Variants in OLFM2 observed in about 807,000 individuals in gnomAD.
The protein encoded by OLFM2 is olfactomedin 2.
Under a neutral mutation model 43.9 loss-of-function variants are expected in OLFM2, and 20 were observed. The ratio of observed to expected loss-of-function variants is 0.46; its 90% CI spans 0.32 to 0.66. OLFM2 has a LOEUF of 0.66. Ranked by LOEUF, OLFM2 falls within the 30% of genes least tolerant of loss-of-function variation. The pLI, the probability that OLFM2 is intolerant of heterozygous loss-of-function variation, is 0.04. For synonymous variants in OLFM2, 268 were observed against 278.6 expected (o/e 0.96, Z 0.38); for missense variants, 416 against 643.6 (o/e 0.65, Z 3.83).
chr19:9,907,041 G>A (rs1019748890), intron 1 of OLFM2, among the ~76,000 whole-genome samples: 1 of 152,132 alleles, frequency 6.6e-6, no homozygotes, highest in African/African-American at 2.4e-5. Context: ...GGGGGCAGAG[G>A]GGGCAAGGGG....
chr19:9,910,050 T>C (rs2046816024), intron 1 of OLFM2, among the ~76,000 whole-genome samples: 1 of 152,050 alleles, frequency 6.6e-6, no homozygotes, highest in African/African-American at 2.4e-5. Context: ...TCATAAAGAC[T>C]CTAAATTCCC....
At chr19:9,930,699 A>C (rs1467641376) in intron 1 of OLFM2, among the ~76,000 whole-genome samples, 2 of 151,626 alleles carry the variant, frequency 1.3e-5, no homozygotes, top group Admixed American at 6.6e-5. Flanking sequence ...ACAAAAAAAA[A>C]AAAATTTAGC....
intron 1 of OLFM2, among the ~76,000 whole-genome samples, chr19:9,914,481 C>T (rs981135942): frequency 6.6e-6 from 1 of 152,108 alleles, no homozygotes; most frequent in African/African-American, 2.4e-5. Flanking sequence ...CAGGTGCGGT[C>T]CTGGGGTCAC....
chr19:9,898,295 G>C, intron 1 of OLFM2, among the ~76,000 whole-genome samples: 1 of 150,730 alleles, frequency 6.6e-6, no homozygotes, highest in African/African-American at 2.4e-5. Flanking sequence ...GCCAAGGCAG[G>C]CAGATCACCT....
In OLFM2 at chr19:9,936,420, C is replaced by T. The variant is rs2086515439; in HGVS notation, c.-54G>A. 2.6e-6 allele frequency: 3 copies of T among 1,165,492 alleles called. No homozygotes were observed. The highest frequency in any genetic ancestry group is 3.2e-6 in the Non-Finnish European group (3 of 946,698). The allele number at this position is 1,165,492 out of a possible 1,614,324, so 72.2% of individuals were successfully genotyped here. On this transcript the variant is annotated 5_prime_UTR_variant, in exon 1 of 6. Coordinates refer to ENST00000264833, the MANE Select transcript of OLFM2 (RefSeq NM_058164.4). ...CCCGCCCGCCCTAGCGGCGCCTCGG[C>T]GCGGGGACCGCCACCAGGCGCGACC...
chr19:9,912,308 C>T (rs1272184994), intron 1 of OLFM2, among the ~76,000 whole-genome samples: 2 of 152,144 alleles, frequency 1.3e-5, no homozygotes, highest in Non-Finnish European at 2.9e-5. Flanking sequence ...TCAGGTGTCC[C>T]CACCACCACC....
At chr19:9,930,144 T>C (rs900742129) in intron 1 of OLFM2, among the ~76,000 whole-genome samples, 36 of 152,186 alleles carry the variant, frequency 2.4e-4, no homozygotes, top group Admixed American at 2.2e-3. Context: ...CCTGTGCTCA[T>C]GGTCCCTGAA....
chr19:9,908,464 A>ATTTTTTTTTTTTTTTTT (rs34305631), intron 1 of OLFM2, among the ~76,000 whole-genome samples: 3 of 40,364 alleles, frequency 7.4e-5, no homozygotes, highest in African/African-American at 3.6e-4. Flanking sequence ...CACCTGGCTA[A>ATTTTTTTTTTTTTTTTT]TTTTTTTTTT....
intron 1 of OLFM2, among the ~76,000 whole-genome samples, chr19:9,916,921 G>A (rs750584292): frequency 2.0e-5 from 3 of 152,076 alleles, no homozygotes; most frequent in Non-Finnish European, 4.4e-5. Context: ...TGACTTCAGA[G>A]ACACGGTATC....
intron 1 of OLFM2, among the ~76,000 whole-genome samples, chr19:9,885,245 C>T (rs576933576): frequency 2.2e-4 from 33 of 152,296 alleles, no homozygotes; most frequent in African/African-American, 7.9e-4. Flanking sequence ...CTGCAATTCC[C>T]AGACTGGGAG....
chr19:9,926,135 T>G (rs977169750), intron 1 of OLFM2, among the ~76,000 whole-genome samples: 27 of 151,052 alleles, frequency 1.8e-4, no homozygotes, highest in Non-Finnish European at 7.4e-5. Context: ...AGACCTCCTC[T>G]GTAACATTAA....
At chr19:9,904,152 TTGTGTG>T (rs56281493) in intron 1 of OLFM2, among the ~76,000 whole-genome samples, 13,229 of 127,096 alleles carry the variant, frequency 0.1, 666 homozygotes, top group Middle Eastern at 0.14. Context: ...TGAGTATTGT[TTGTGTG>T]TGTGTGTGTG....
intron 1 of OLFM2, among the ~76,000 whole-genome samples, chr19:9,927,231 G>A (rs889922974): frequency 1.3e-5 from 2 of 151,882 alleles, no homozygotes; most frequent in South Asian, 2.1e-4. Context: ...GCAGTGAGCT[G>A]AGATCGCACC....
chr19:9,922,862 G>T (rs925983338), intron 1 of OLFM2, among the ~76,000 whole-genome samples: 1 of 148,066 alleles, frequency 6.8e-6, no homozygotes, highest in Admixed American at 6.8e-5. Context: ...AGTGAGCACA[G>T]ATCGTGCCAC....
At chr19:9,903,755 T>C (rs140988161) in intron 1 of OLFM2, among the ~76,000 whole-genome samples, 47 of 152,286 alleles carry the variant, frequency 3.1e-4, no homozygotes, top group African/African-American at 1.1e-3. Flanking sequence ...TGTCTGGCTA[T>C]TTACTCCCAA....
chr19:9,882,365 C>T (rs1309314745), intron 1 of OLFM2, among the ~76,000 whole-genome samples: 3 of 148,704 alleles, frequency 2.0e-5, no homozygotes, highest in Non-Finnish European at 4.5e-5. Context: ...AGTGAAACCC[C>T]GTCTCTACTA....
chr19:9,883,810 C>T (rs1347130265), intron 1 of OLFM2, among the ~76,000 whole-genome samples: 3 of 152,124 alleles, frequency 2.0e-5, no homozygotes, highest in Non-Finnish European at 2.9e-5. Context: ...GATGTGTGCA[C>T]GGGGGACCTC....
intron 1 of OLFM2, among the ~76,000 whole-genome samples, chr19:9,878,242 G>T (rs192705366): frequency 6.6e-6 from 1 of 152,274 alleles, no homozygotes; most frequent in African/African-American, 2.4e-5. Flanking sequence ...GAGTGTGACA[G>T]AATTGCCTAT....
chr19:9,883,567 G>A (rs2046559378), intron 1 of OLFM2, among the ~76,000 whole-genome samples: 2 of 152,098 alleles, frequency 1.3e-5, no homozygotes, highest in African/African-American at 4.8e-5. Flanking sequence ...GCTTCTCCAG[G>A]GCTGGGAGTG....
Sources: allele counts gnomAD v4.1 joint callset (sites outside exome capture counted in the v4.1 genomes callset), GRCh38; gene constraint gnomAD v4.1.1; transcripts MANE v1.5; gene names NCBI Gene and HGNC (gene_info 2026-07-23, HGNC 2026-07-21).